Variants in CEMIP observed in about 807,000 individuals in gnomAD.
The protein encoded by CEMIP is cell migration-inducing and hyaluronan-binding protein.
CEMIP carries 105 observed loss-of-function variants against 156.9 expected under a neutral mutation model. The observed-to-expected ratio is 0.67, with a 90% CI of 0.57 to 0.79. The LOEUF (loss-of-function observed/expected upper bound fraction) is 0.79, where lower values mean the gene tolerates loss of function less well. CEMIP is among the 30% of genes least tolerant of loss of function. CEMIP has a pLI of 0.00. For synonymous variants in CEMIP, 676 were observed against 668.4 expected (o/e 1.01, Z -0.17); for missense variants, 1,457 against 1,769.4 (o/e 0.82, Z 3.17).
intron 1 of CEMIP, among the ~76,000 whole-genome samples, chr15:80,783,509 G>T (rs1895849844): frequency 6.6e-6 from 1 of 152,204 alleles, no homozygotes; most frequent in Non-Finnish European, 1.5e-5. Flanking sequence ...CTTGTATCTG[G>T]TTGGGTTGGC....
intron 25 of CEMIP, among the ~76,000 whole-genome samples, chr15:80,939,871 G>T (rs1161914338): frequency 1.3e-5 from 2 of 152,096 alleles, no homozygotes; most frequent in Admixed American, 6.5e-5. Flanking sequence ...TCTACTATGG[G>T]CTAGGATACT....
At chr15:80,891,556 TCAGAAGCTTAGGGAAGTCTTCC>T (rs1899033274) in intron 10 of CEMIP, among the ~76,000 whole-genome samples, 2 of 152,232 alleles carry the variant, frequency 1.3e-5, no homozygotes, top group Admixed American at 1.3e-4. Context: ...GTCCCCTTAC[TCAGAAGCTTAGGGAAGTCTTCC>T]CACAATGAAA....
chr15:80,839,920 G>A (rs772964363), intron 1 of CEMIP, among the ~76,000 whole-genome samples: 3 of 152,182 alleles, frequency 2.0e-5, no homozygotes, highest in East Asian at 1.9e-4. Context: ...ACTATCCACC[G>A]CATTTTATAG....
intron 12 of CEMIP, among the ~76,000 whole-genome samples, chr15:80,900,638 G>GTGTCTGTGTGTGTGTGTGTGTC (rs1899466705): frequency 3.9e-5 from 4 of 101,926 alleles, no homozygotes; most frequent in Admixed American, 1.1e-4. Flanking sequence ...GTGTGTGTGT[G>GTGTCTGTGTGTGTGTGTGTGTC]TGTGTGTGTG....
Position 80,923,380 on chromosome 15 carries a change from A to G in CEMIP, c.2203-1241A>G, listed in dbSNP as rs559528245. 3.1e-4 allele frequency among the ~76,000 whole-genome samples: 47 copies of G among 152,288 alleles called. 1 individual carries two copies. The highest frequency in any genetic ancestry group is 1.3e-4 in the Non-Finnish European group (9 of 68,018). On this transcript the variant is annotated intron_variant, in intron 17 of 29. Transcript: ENST00000394685. ...CATACTGCTGTTGGTGGCAGGGGGA[A>G]CAGTGGAGAGAATGTGTTGGCTGCT...
chr15:80,945,760 G>A (rs1000456338), intron 28 of CEMIP, among the ~76,000 whole-genome samples: 11 of 152,170 alleles, frequency 7.2e-5, no homozygotes, highest in African/African-American at 2.4e-4. Context: ...CAAACTGGAC[G>A]CCCCATTGAG....
chr15:80,879,077 C>T (rs1048907914), intron 4 of CEMIP, among the ~76,000 whole-genome samples: 3 of 152,178 alleles, frequency 2.0e-5, no homozygotes, highest in African/African-American at 7.2e-5. Flanking sequence ...GAGCACTTAT[C>T]GAGAAAACTC....
intron 1 of CEMIP, among the ~76,000 whole-genome samples, chr15:80,830,125 A>G (rs900917313): frequency 2.0e-5 from 3 of 152,122 alleles, no homozygotes; most frequent in East Asian, 1.9e-4. Flanking sequence ...TTGTCTCACA[A>G]TTCCTCATGG....
intron 1 of CEMIP, among the ~76,000 whole-genome samples, chr15:80,805,786 T>C (rs886209291): frequency 2.2e-4 from 33 of 152,250 alleles, no homozygotes; most frequent in Non-Finnish European, 3.8e-4. Flanking sequence ...TCTACCAATG[T>C]TGGGCTTCAC....
chr15:80,948,174 G>A (rs1033190441), intron 29 of CEMIP: 2 of 158,752 alleles, frequency 1.3e-5, no homozygotes, highest in Non-Finnish European at 2.8e-5. Flanking sequence ...GGTGATAAAT[G>A]CATGTTGCCT....
intron 12 of CEMIP, among the ~76,000 whole-genome samples, chr15:80,903,336 G>A (rs1899654812): frequency 6.6e-6 from 1 of 152,198 alleles, no homozygotes; most frequent in Non-Finnish European, 1.5e-5. Context: ...GAGCACTGCA[G>A]GAACTCCCAG....
At chr15:80,868,253 C>T (rs1034155001) in intron 1 of CEMIP, among the ~76,000 whole-genome samples, 2 of 152,180 alleles carry the variant, frequency 1.3e-5, no homozygotes, top group African/African-American at 2.4e-5. Flanking sequence ...CTCACCCAGG[C>T]TTGATTTCAA....
At chr15:80,799,959 C>T (rs1466547138) in intron 1 of CEMIP, among the ~76,000 whole-genome samples, 3 of 151,910 alleles carry the variant, frequency 2.0e-5, no homozygotes, top group Non-Finnish European at 4.4e-5. Flanking sequence ...AGCAATCCTT[C>T]TGCCTCTCAG....
At chr15:80,889,692 G>T in intron 10 of CEMIP, 100 bp downstream of exon 10, 1 of 1,493,410 alleles carries the variant, frequency 6.7e-7, no homozygotes, top group Non-Finnish European at 9.2e-7. Flanking sequence ...TGTGATTCTC[G>T]TTGCCCTCCT....
At chr15:80,782,004 A>G (rs1895810763) in intron 1 of CEMIP, among the ~76,000 whole-genome samples, 1 of 149,938 alleles carries the variant, frequency 6.7e-6, no homozygotes, top group Non-Finnish European at 1.5e-5. Flanking sequence ...ATTGATGAAA[A>G]TGCTGGAGTT....
At chr15:80,881,582 T>C (rs1014357664) in intron 6 of CEMIP, among the ~76,000 whole-genome samples, 5 of 152,082 alleles carry the variant, frequency 3.3e-5, no homozygotes, top group Non-Finnish European at 5.9e-5. Context: ...TCTCAAACGA[T>C]GGAAAGGCCA....
Position 80,902,791 on chromosome 15 carries a change from G to T in CEMIP, c.1412-3872G>T, listed in dbSNP as rs1899625449. ...TATCTACCAACTCCCATTATTATAG[G>T]TGTGAAGCCAGTGGTGGGAGCCTTG... On this transcript the variant is annotated intron_variant, in intron 12 of 29. Coordinates refer to ENST00000394685, the MANE Select transcript of CEMIP (RefSeq NM_001293298.2). Among the ~76,000 whole-genome samples the T allele has an allele frequency of 1.3e-5, 2 of 152,252 alleles. 1 individual carries two copies. The highest frequency in any genetic ancestry group is 6.8e-3 in the Middle Eastern group (2 of 294).
At chr15:80,783,297 T>C (rs2141556289) in intron 1 of CEMIP, among the ~76,000 whole-genome samples, 1 of 152,364 alleles carries the variant, frequency 6.6e-6, no homozygotes. Flanking sequence ...CAAAGTTGTA[T>C]TTGTGAGTTG....
intron 1 of CEMIP, among the ~76,000 whole-genome samples, chr15:80,868,075 A>G (rs1898180267): frequency 2.0e-5 from 3 of 152,138 alleles, no homozygotes; most frequent in Admixed American, 2.0e-4. Flanking sequence ...TTAGCCAGAA[A>G]AGGATCTTAG....
Sources: gnomAD v4.1 joint callset for allele counts (sites outside exome capture counted in the v4.1 genomes callset) on GRCh38, gnomAD v4.1.1 for gene constraint, MANE v1.5 for transcripts, NCBI Gene and HGNC (gene_info 2026-07-23, HGNC 2026-07-21) for gene names.